Variants in CPB1 observed in about 807,000 individuals in gnomAD.
CPB1 encodes carboxypeptidase B1.
In CPB1, 53 loss-of-function variants were observed where a neutral mutation model predicts 51.4. That is an observed-to-expected ratio of 1.03 (90% CI 0.83 to 1.30). The LOEUF is 1.30. Ranked by LOEUF, CPB1 falls within the 50% of genes most tolerant of loss-of-function variation. The pLI is 0.00. For missense variants in CPB1, 494 were observed against 516.2 expected (o/e 0.96, Z 0.42); for synonymous variants, 189 against 186.9 (o/e 1.01, Z -0.09).
chr3:148,839,304 T>C (rs918226092), intron 3 of CPB1, among the ~76,000 whole-genome samples: 3 of 152,184 alleles, frequency 2.0e-5, no homozygotes, highest in African/African-American at 7.2e-5. Flanking sequence ...TTGATAACTC[T>C]TTTTTGGCCA....
At chr3:148,832,487 G>A (rs959984370) in intron 2 of CPB1, among the ~76,000 whole-genome samples, 5 of 152,094 alleles carry the variant, frequency 3.3e-5, no homozygotes, top group African/African-American at 1.2e-4. Flanking sequence ...TTTTATCTGG[G>A]AAGTGCAGGG....
chr3:148,837,544 T>G (rs1009562798), intron 3 of CPB1, among the ~76,000 whole-genome samples: 5 of 150,274 alleles, frequency 3.3e-5, no homozygotes, highest in African/African-American at 1.2e-4. Context: ...AAGTATAAAA[T>G]ACTATACATG....
chr3:148,860,080 C>G lies in CPB1; in HGVS notation c.*78C>G. ...TTCTTGAATTCTTATTTTGGTTTGCCTGGATGTTTTGCAGATCCCAATCTT... is the reference window on the plus strand; with the variant it reads ...TTCTTGAATTCTTATTTTGGTTTGCGTGGATGTTTTGCAGATCCCAATCTT... On this transcript the variant is annotated 3_prime_UTR_variant, in exon 11 of 11. Coordinates refer to ENST00000282957, the MANE Select transcript of CPB1 (RefSeq NM_001871.3). The G allele has an allele frequency of 6.9e-7, 1 of 1,454,190 alleles. No individual in the cohort carries two copies. The highest frequency in any genetic ancestry group is 9.4e-7 in the Non-Finnish European group (1 of 1,064,200). 90.1% of individuals were successfully genotyped at this position (1,454,190 alleles called of 1,614,324 possible).
In CPB1 at chr3:148,859,805, C is replaced by T. The variant is rs1162841711; in HGVS notation, c.1067-10C>T. ...TAAAGTTTTTTTTCACTGCTGTTTG[C>T]ACATTTCAGATCCTGCTGCTGGGGG... is the stretch of plus-strand genomic sequence containing the variant. On this transcript the variant is annotated splice_polypyrimidine_tract_variant and intron_variant, in intron 10 of 10. Transcript: ENST00000282957. 2 of 1,601,960 alleles carry T rather than the reference C, an allele frequency of 1.2e-6. No individual in the cohort carries two copies. The highest frequency in any genetic ancestry group is 2.2e-5 in the South Asian group (2 of 89,124).
chr3:148,846,797 G>GTGTGTATATA lies in CPB1; in HGVS notation c.981+1172_981+1173insGTGTATATAT, dbSNP rs1364486523. Reference sequence around the variant, plus strand: ...CACATATATATGTGTGTGTGCGTGTGTATATATATATATATATATATATAT... The same window carrying GTGTGTATATA: ...CACATATATATGTGTGTGTGCGTGTGTGTGTATATATATATATATATATATATATATATAT... On this transcript the variant is annotated intron_variant, in intron 9 of 10. Transcript: ENST00000282957. Among the ~76,000 whole-genome samples, 257 of 50,398 alleles carry GTGTGTATATA rather than the reference G, an allele frequency of 5.1e-3. 7 individuals carry two copies. Among genetic ancestry groups the GTGTGTATATA allele is most frequent in the Non-Finnish European group, 7.3e-3 (171 of 23,350 alleles). 33.1% of individuals were successfully genotyped at this position (50,398 alleles called of 152,430 possible). A position where few individuals can be genotyped will look rare whatever the true frequency, so the allele number is the denominator to read the frequency against.
chr3:148,854,261 A>C (rs1713513645), intron 9 of CPB1: 1 of 152,216 alleles, frequency 6.6e-6, no homozygotes, highest in African/African-American at 2.4e-5. Flanking sequence ...GTGTTGGTGA[A>C]ATATGGACAG....
intron 3 of CPB1, 143 bp from the exon 4 acceptor site, chr3:148,840,543 C>T: frequency 4.3e-6 from 3 of 689,978 alleles, no homozygotes; most frequent in Non-Finnish European, 7.7e-6. Flanking sequence ...TGAAGGTCAT[C>T]AGGAAGAACC....
rs555955260 is a variant in CPB1 at position 148,846,829 on chromosome 3, A to G, written c.981+1203A>G. ...TATATATATATATATATATATATAT[A>G]TATATATATATATGTTAGCACCGCC... On this transcript the variant is annotated intron_variant, in intron 9 of 10. Coordinates refer to ENST00000282957, the MANE Select transcript of CPB1 (RefSeq NM_001871.3). Among the ~76,000 whole-genome samples the G allele has an allele frequency of 5.4e-3, 605 of 112,882 alleles. 33 individuals are homozygous for G. The highest frequency in any genetic ancestry group is 0.021 in the African/African-American group (576 of 27,528). 74.1% of individuals were successfully genotyped at this position (112,882 alleles called of 152,430 possible).
chr3:148,859,521 A>C (rs139857155), intron 10 of CPB1, among the ~76,000 whole-genome samples: 23 of 152,258 alleles, frequency 1.5e-4, no homozygotes, highest in African/African-American at 5.3e-4. Context: ...TTCACATATA[A>C]AGTGTAGTTT....
At chr3:148,828,233 T>C (rs80206421) in intron 2 of CPB1, among the ~76,000 whole-genome samples, 156 bp downstream of exon 2, 3,322 of 152,314 alleles carry the variant, frequency 0.022, 124 homozygotes, top group African/African-American at 0.076. Context: ...ATGTCTTCTT[T>C]TTCTGCCTAA....
intron 3 of CPB1, among the ~76,000 whole-genome samples, chr3:148,839,410 G>C (rs1713007382): frequency 6.6e-6 from 1 of 152,088 alleles, no homozygotes; most frequent in African/African-American, 2.4e-5. Flanking sequence ...CTAAGTCTGT[G>C]GCAACTGACA....
chr3:148,833,849 G>C (rs1400966054), intron 2 of CPB1, among the ~76,000 whole-genome samples: 1 of 152,078 alleles, frequency 6.6e-6, no homozygotes, highest in Admixed American at 6.6e-5. Context: ...CTCAGACACA[G>C]AGCCTAGCAT....
chr3:148,858,005 A>T (rs928206490), intron 10 of CPB1, among the ~76,000 whole-genome samples: 6 of 152,208 alleles, frequency 3.9e-5, no homozygotes, highest in African/African-American at 1.4e-4. Flanking sequence ...CTTACTAGGC[A>T]CTAAGAGAAC....
intron 3 of CPB1, among the ~76,000 whole-genome samples, chr3:148,835,598 T>A (rs1247309744): frequency 2.0e-5 from 3 of 152,002 alleles, no homozygotes; most frequent in African/African-American, 7.2e-5. Context: ...GACACTTGCA[T>A]AAGAGGGAAG....
chr3:148,857,062 GTTTTTTT>G (rs35574359), intron 9 of CPB1: 3 of 48,188 alleles, frequency 6.2e-5, no homozygotes, highest in African/African-American at 9.8e-5. Flanking sequence ...ATTGCCAAGT[GTTTTTTT>G]TTTTTTTTTT....
chr3:148,840,225 C>G (rs905131650), intron 3 of CPB1, among the ~76,000 whole-genome samples: 2 of 152,160 alleles, frequency 1.3e-5, no homozygotes, highest in African/African-American at 4.8e-5. Flanking sequence ...AAAGTGACAA[C>G]TCCTCCCATT....
chr3:148,836,799 C>A (rs1712919186), intron 3 of CPB1, among the ~76,000 whole-genome samples: 1 of 152,154 alleles, frequency 6.6e-6, no homozygotes, highest in South Asian at 2.1e-4. Flanking sequence ...CAAGCAGTCC[C>A]TGTGCATCCC....
chr3:148,840,951 G>A lies in CPB1; in HGVS notation c.450G>A (p.Glu150=). The A allele has an allele frequency of 1.2e-6, 2 of 1,613,984 alleles. No individual in the cohort carries two copies. Among genetic ancestry groups the A allele is most frequent in the Non-Finnish European group, 1.7e-6 (2 of 1,179,976 alleles). Reference sequence around the variant, plus strand: ...GCAGTGTTATCGGAACCACATTTGAGGGACGCGCTATTTACCTCCTGAAGG... The same window carrying A: ...GCAGTGTTATCGGAACCACATTTGAAGGACGCGCTATTTACCTCCTGAAGG... The part of the protein sequence containing the change: ...ISRSVIGTTF[E]GRAIYLLKVG... Residue 150 remains glutamate (E), a synonymous_variant, in exon 5 of 11, where the codon GAG becomes GAA. Coordinates refer to ENST00000282957, the MANE Select transcript of CPB1 (RefSeq NM_001871.3).
intron 5 of CPB1, 57 bp downstream of exon 5, chr3:148,841,032 T>C: frequency 7.4e-7 from 1 of 1,358,230 alleles, no homozygotes; most frequent in Non-Finnish European, 1.0e-6. Context: ...CAATGAATTC[T>C]AACACATGAA....
Sources: allele counts gnomAD v4.1 joint callset (sites outside exome capture counted in the v4.1 genomes callset), GRCh38; gene constraint gnomAD v4.1.1; transcripts MANE v1.5; gene names NCBI Gene and HGNC (gene_info 2026-07-23, HGNC 2026-07-21).